Variants in AKAP17A observed in about 807,000 individuals in gnomAD.
AKAP17A encodes A-kinase anchor protein 17A.
Under a neutral mutation model 52.2 loss-of-function variants are expected in AKAP17A, and 15 were observed. That is an observed-to-expected ratio of 0.29 (90% confidence interval 0.19 to 0.44). AKAP17A has a LOEUF of 0.44. Ranked by LOEUF, AKAP17A falls within the 20% of genes least tolerant of loss-of-function variation. The pLI, the probability that AKAP17A is intolerant of heterozygous loss-of-function variation, is 1.00. For synonymous variants in AKAP17A, 514 were observed against 424.7 expected (o/e 1.21, Z -2.58); for missense variants, 1,060 against 1,007.0 (o/e 1.05, Z -0.71).
intron 4 of AKAP17A, chrX:1,600,128 C>T (rs1603460306): frequency 2.3e-6 from 3 of 1,302,254 alleles, no homozygotes; most frequent in East Asian, 5.4e-5. Flanking sequence ...AACCTGTTGT[C>T]TGATTACAGT....
intron 4 of AKAP17A, 200 bp downstream of exon 4, chrX:1,599,632 G>C (rs1451122321): frequency 1.2e-6 from 1 of 823,010 alleles, no homozygotes; most frequent in South Asian, 1.6e-5. Flanking sequence ...TTTCAGAGCT[G>C]TGACGGTTTC....
At chrX:1,600,190 C>G (rs1458213711) in intron 4 of AKAP17A, 1 of 1,308,972 alleles carries the variant, frequency 7.6e-7, no homozygotes, top group African/African-American at 1.5e-5. Flanking sequence ...CATGTGGCAG[C>G]CCAGTCCTTA....
Position 1,594,947 on chromosome X carries a change from C to T in AKAP17A, c.763-437C>T, listed in dbSNP as rs190270082. Among the ~76,000 whole-genome samples, 309 of 152,332 alleles carry T rather than the reference C, an allele frequency of 2.0e-3. 2 individuals carry two copies. The highest frequency in any genetic ancestry group is 7.3e-3 in the African/African-American group (305 of 41,574). On this transcript the variant is annotated intron_variant, in intron 2 of 4. Transcript: ENST00000313871. ...TCGTGTTTTGACCGTGTTGGCTTCA[C>T]AGTGACAAATGAGCCAGCCTCCTGG...
intron 4 of AKAP17A, chrX:1,599,801 G>A: frequency 1.7e-6 from 1 of 602,542 alleles, no homozygotes; most frequent in South Asian, 2.0e-5. Flanking sequence ...AGCTGGCCTG[G>A]CTGTGACCTC....
intron 1 of AKAP17A, among the ~76,000 whole-genome samples, 199 bp from the exon 2 acceptor site, chrX:1,593,240 CTTTGG>C (rs1932869737): frequency 6.6e-6 from 1 of 152,176 alleles, no homozygotes; most frequent in South Asian, 2.1e-4. Flanking sequence ...GCTCTTTCCC[CTTTGG>C]TGTACTCTTA....
In AKAP17A at chrX:1,601,422, C is replaced by A; in HGVS notation, c.1916C>A (p.Thr639Lys). The A allele has an allele frequency of 6.4e-7, 1 of 1,566,914 alleles. No individual in the cohort carries two copies. The highest frequency in any genetic ancestry group is 1.1e-5 in the South Asian group (1 of 87,960). The stretch of plus-strand genomic sequence containing the variant: ...GATGACAGCCCCCGCCGGCGCAGCA[C>A]GAGCCCGGACCACACCCGGTCCCGG... Reference protein sequence around the residue: ...YKDDSPRRRSTSPDHTRSRRS... With the variant: ...YKDDSPRRRSKSPDHTRSRRS... The change falls in exon 5 of 5, where the codon ACG becomes AAG. Residue 639 changes from threonine (T) to lysine (K), a missense_variant. Physicochemically the swap from Thr to Lys is moderately conservative, Grantham distance 78. Transcript: ENST00000313871.
At chrX:1,591,798 C>T (rs1333229028) in intron 1 of AKAP17A, 29 bp downstream of exon 1, 2 of 150,188 alleles carry the variant, frequency 1.3e-5, no homozygotes, top group Non-Finnish European at 3.0e-5. Flanking sequence ...CCTCCCGGGC[C>T]TGGCTGCAGC....
At chrX:1,591,986 G>A (rs1932845592) in intron 1 of AKAP17A, among the ~76,000 whole-genome samples, 1 of 150,860 alleles carries the variant, frequency 6.6e-6, no homozygotes, top group African/African-American at 2.4e-5. Flanking sequence ...GTCGGGGTCC[G>A]GGGGTCCCTG....
Position 1,601,681 on chromosome X carries a change from A to C in AKAP17A, c.*87A>C, listed in dbSNP as rs1933395081. 7.9e-7 allele frequency: 1 copy of C among 1,272,394 alleles called. No homozygotes were observed. The highest frequency in any genetic ancestry group is 3.6e-5 in the Admixed American group (1 of 28,132). 78.8% of individuals were successfully genotyped at this position (1,272,394 alleles called of 1,614,324 possible). The stretch of plus-strand genomic sequence containing the variant: ...GCCGCTCCTTGGCCGCTCTCCGTCC[A>C]CCCCTGCAAAGCCAAGACCCTTCTG... On this transcript the variant is annotated 3_prime_UTR_variant, in exon 5 of 5. Transcript: ENST00000313871.
At chrX:1,597,416 A>G (rs1933062121) in intron 3 of AKAP17A, among the ~76,000 whole-genome samples, 1 of 151,988 alleles carries the variant, frequency 6.6e-6, no homozygotes. Flanking sequence ...CCTGGGAGGG[A>G]GGGACATGCT....
chrX:1,593,990 G>A lies in AKAP17A; in HGVS notation c.528G>A (p.Lys176=), dbSNP rs1932889944. 1 of 1,602,942 alleles carries A rather than the reference G, an allele frequency of 6.2e-7. No homozygotes were observed. Among genetic ancestry groups the A allele is most frequent in the Non-Finnish European group, 8.5e-7 (1 of 1,173,260 alleles). The part of the protein sequence containing the change: ...SEKPSEDVLV[K]VFEKFGEIRN... ...AGCCCAGCGAGGACGTCCTGGTCAA[G>A]GTGTTTGAGAAGTTCGGGGAGATCC... The change falls in exon 2 of 5, where the codon AAG becomes AAA. Residue 176 remains lysine (K), a synonymous_variant. Transcript: ENST00000313871.
intron 3 of AKAP17A, among the ~76,000 whole-genome samples, chrX:1,598,350 G>C (rs767034289): frequency 1.3e-5 from 2 of 152,264 alleles, no homozygotes; most frequent in East Asian, 1.9e-4. Context: ...CTCCCGGCCT[G>C]CTCCTCCTTG....
In AKAP17A at chrX:1,601,045, C is replaced by G. The variant is rs202130845; in HGVS notation, c.1539C>G (p.Asn513Lys). The part of the protein sequence containing the change: ...PEADGAPKSV[N>K]GSVAEEAPCK... ...CCGACGGCGCTCCCAAAAGCGTGAA[C>G]GGGAGCGTGGCCGAGGAGGCCCCAT... Residue 513 changes from asparagine (N) to lysine (K), a missense_variant, in exon 5 of 5, where the codon AAC becomes AAG. Around this residue, in one of 2 missense-constraint regions of AKAP17A, gnomAD observed 793 missense variants for 629.9 expected, o/e 1.26. Coordinates refer to ENST00000313871, the MANE Select transcript of AKAP17A (RefSeq NM_005088.3). 2 of 1,612,942 alleles carry G rather than the reference C, an allele frequency of 1.2e-6. No individual in the cohort carries two copies. The highest frequency in any genetic ancestry group is 8.5e-7 in the Non-Finnish European group (1 of 1,179,628).
intron 3 of AKAP17A, among the ~76,000 whole-genome samples, chrX:1,598,627 G>A (rs1472110454): frequency 2.2e-4 from 33 of 152,212 alleles, no homozygotes; most frequent in East Asian, 5.8e-4. Context: ...CTCCCCGGCC[G>A]CATTCATCCT....
Position 1,594,177 on chromosome X carries a change from C to G in AKAP17A, c.715C>G (p.Leu239Val). 1 of 1,589,318 alleles carries G rather than the reference C, an allele frequency of 6.3e-7. No individual in the cohort carries two copies. Among genetic ancestry groups the G allele is most frequent in the Non-Finnish European group, 8.6e-7 (1 of 1,165,244 alleles). The change falls in exon 2 of 5, where the codon CTC (leucine) becomes GTC (valine). Residue 239 changes from leucine to valine, a missense_variant. Transcript: ENST00000313871. ...CATGAGCGCCCTGCGCGGGATGAAA[C>G]TCATGTACAAGGGCGAGGACGGCAA... ...QAMSALRGMK[L>V]MYKGEDGKAV...
intron 3 of AKAP17A, 121 bp from the exon 4 acceptor site, chrX:1,599,071 G>C (rs1179902426): frequency 4.5e-5 from 65 of 1,459,824 alleles, no homozygotes; most frequent in Middle Eastern, 2.6e-4. Flanking sequence ...TTGGGATAAA[G>C]AGTTAAATGC....
chrX:1,600,042 GGACA>G, intron 4 of AKAP17A: 1 of 737,486 alleles, frequency 1.4e-6, no homozygotes, highest in South Asian at 1.4e-5. Context: ...GACCTCCCCA[GGACA>G]GACGTCCCCG....
chrX:1,596,197 A>C (rs1240440978), intron 3 of AKAP17A, among the ~76,000 whole-genome samples: 3 of 148,198 alleles, frequency 2.0e-5, no homozygotes, highest in African/African-American at 7.5e-5. Flanking sequence ...TACAAAATGA[A>C]GTAGAGGGTT....
intron 1 of AKAP17A, among the ~76,000 whole-genome samples, chrX:1,592,866 G>A (rs1932863156): frequency 6.6e-6 from 1 of 152,180 alleles, no homozygotes; most frequent in Non-Finnish European, 1.5e-5. Context: ...GGCTTTGAGT[G>A]GGTTAAAGCT....
Sources: gnomAD v4.1 joint callset for allele counts (sites outside exome capture counted in the v4.1 genomes callset) on GRCh38, gnomAD v4.1.1 for gene constraint, gnomAD v4.1.1 regional missense constraint, MANE v1.5 for transcripts, NCBI Gene and HGNC (gene_info 2026-07-23, HGNC 2026-07-21) for gene names.